Variants in RPS6KC1 observed in about 807,000 individuals in gnomAD.
RPS6KC1 encodes the protein ribosomal protein S6 kinase C1.
In RPS6KC1, 54 loss-of-function variants were observed where a neutral mutation model predicts 103.8. That is an observed-to-expected ratio of 0.52 (90% CI 0.42 to 0.65). The LOEUF is 0.65. Among genes scored for constraint, RPS6KC1 ranks in the 30% least tolerant of loss-of-function variants. RPS6KC1 has a pLI of 0.00. For synonymous variants in RPS6KC1, 439 were observed against 438.7 expected (o/e 1.00, Z -0.01); for missense variants, 1,151 against 1,253.8 (o/e 0.92, Z 1.24).
the RPS6KC1 span, among the ~76,000 whole-genome samples, chr1:213,731,759 C>T: frequency 6.6e-6 from 1 of 151,968 alleles, no homozygotes; most frequent in African/African-American, 2.4e-5. Flanking sequence ...AAGATGAATG[C>T]AGAAGAATGT....
At chr1:213,664,349 C>T in the RPS6KC1 span, among the ~76,000 whole-genome samples, 6 of 152,070 alleles carry the variant, frequency 3.9e-5, no homozygotes, top group Non-Finnish European at 7.4e-5. Flanking sequence ...TAAAAGAAAG[C>T]ATTAAATCCA....
intron 1 of RPS6KC1, among the ~76,000 whole-genome samples, chr1:213,068,522 A>G (rs1276620581): frequency 6.6e-6 from 1 of 150,874 alleles, no homozygotes; most frequent in Non-Finnish European, 1.5e-5. Context: ...AACACTTATA[A>G]GAAGCAAAAT....
intron 6 of RPS6KC1, 139 bp downstream of exon 6, chr1:213,130,028 ATATGGATATATACT>A (rs2085427525): frequency 1.3e-6 from 1 of 772,792 alleles, no homozygotes; most frequent in Non-Finnish European, 2.0e-6. Context: ...AAAGACCTAT[ATATGGATATATACT>A]TTAAGTTCCT....
chr1:213,095,349 G>C (rs2081350346), intron 3 of RPS6KC1, among the ~76,000 whole-genome samples: 1 of 152,184 alleles, frequency 6.6e-6, no homozygotes. Context: ...TCAAGGATAA[G>C]TTTTAGTTCC....
the RPS6KC1 span, among the ~76,000 whole-genome samples, chr1:213,463,877 A>T: frequency 6.6e-6 from 1 of 152,320 alleles, no homozygotes; most frequent in South Asian, 2.1e-4. Flanking sequence ...TGGGCTTTGT[A>T]GGCCATTTAA....
At chr1:213,114,994 G>A (rs1388744752) in intron 4 of RPS6KC1, among the ~76,000 whole-genome samples, 1 of 152,202 alleles carries the variant, frequency 6.6e-6, no homozygotes, top group African/African-American at 2.4e-5. Flanking sequence ...TGTTCATCAA[G>A]GATATTGGTC....
chr1:213,328,519 TATATATATATATATATATATATCA>T, the RPS6KC1 span, among the ~76,000 whole-genome samples: 2 of 57,046 alleles, frequency 3.5e-5, no homozygotes, highest in Admixed American at 3.6e-4. Context: ...TATATATATA[TATATATATATATATATATATATCA>T]CACACACACG....
chr1:213,502,584 C>T, the RPS6KC1 span, among the ~76,000 whole-genome samples: 1 of 152,028 alleles, frequency 6.6e-6, no homozygotes, highest in Non-Finnish European at 1.5e-5. Flanking sequence ...TATGGTCCAT[C>T]TATAAATCAG....
At chr1:213,470,698 C>A in the RPS6KC1 span, among the ~76,000 whole-genome samples, 1 of 144,882 alleles carries the variant, frequency 6.9e-6, no homozygotes, top group Non-Finnish European at 1.5e-5. Context: ...TAGAATGCTG[C>A]ATGCTTTGAC....
At chr1:213,815,579 T>C in the RPS6KC1 span, among the ~76,000 whole-genome samples, 1 of 152,050 alleles carries the variant, frequency 6.6e-6, no homozygotes, top group Non-Finnish European at 1.5e-5. Context: ...AGAAACATAG[T>C]GGGTTTGGTT....
the RPS6KC1 span, among the ~76,000 whole-genome samples, chr1:213,383,330 T>C: frequency 6.6e-6 from 1 of 152,160 alleles, no homozygotes; most frequent in Non-Finnish European, 1.5e-5. Flanking sequence ...CTTGGAGCCC[T>C]CCCATCCCAC....
the RPS6KC1 span, among the ~76,000 whole-genome samples, chr1:213,402,035 G>T: frequency 6.6e-6 from 1 of 152,138 alleles, no homozygotes; most frequent in Admixed American, 6.5e-5. Flanking sequence ...CTCCCAAAGT[G>T]CTGGGATTTC....
chr1:213,829,083 T>TA, the RPS6KC1 span, among the ~76,000 whole-genome samples: 2 of 152,096 alleles, frequency 1.3e-5, no homozygotes, highest in Non-Finnish European at 2.9e-5. Context: ...ATCATGCTAT[T>TA]AGGACCACTT....
chr1:213,641,728 G>A, the RPS6KC1 span, among the ~76,000 whole-genome samples: 1 of 151,824 alleles, frequency 6.6e-6, no homozygotes, highest in Non-Finnish European at 1.5e-5. Flanking sequence ...TGTCCATTTT[G>A]GTCTCCTATT....
the RPS6KC1 span, among the ~76,000 whole-genome samples, chr1:213,733,897 T>C: frequency 6.6e-6 from 1 of 152,216 alleles, no homozygotes; most frequent in Non-Finnish European, 1.5e-5. Flanking sequence ...TAAGTAGCCT[T>C]ATCTCAGTTC....
At chr1:213,459,913 A>G in the RPS6KC1 span, among the ~76,000 whole-genome samples, 3 of 152,102 alleles carry the variant, frequency 2.0e-5, no homozygotes, top group Non-Finnish European at 2.9e-5. Flanking sequence ...GAGTTTCTTA[A>G]TCCTGAGTTC....
intron 3 of RPS6KC1, among the ~76,000 whole-genome samples, chr1:213,083,389 T>C (rs538016318): frequency 5.3e-5 from 8 of 152,324 alleles, no homozygotes; most frequent in Non-Finnish European, 1.5e-5. Flanking sequence ...TATGGACCCA[T>C]TGACTTCTTT....
chr1:213,332,807 G>A, the RPS6KC1 span, among the ~76,000 whole-genome samples: 140 of 152,248 alleles, frequency 9.2e-4, no homozygotes, highest in Non-Finnish European at 1.7e-3. Context: ...CCTACTGCAG[G>A]ACAGATCCAG....
the RPS6KC1 span, among the ~76,000 whole-genome samples, chr1:213,344,371 AAG>A: frequency 6.6e-6 from 1 of 152,234 alleles, no homozygotes; most frequent in Non-Finnish European, 1.5e-5. Context: ...CAAAAGATAA[AAG>A]AAGAGAATTT....
Sources: gnomAD v4.1 joint callset for allele counts (sites outside exome capture counted in the v4.1 genomes callset) on GRCh38, gnomAD v4.1.1 for gene constraint, MANE v1.5 for transcripts, NCBI Gene and HGNC (gene_info 2026-07-23, HGNC 2026-07-21) for gene names.